GOLT1A: variants seen among roughly 807,000 people sequenced by gnomAD.
GOLT1A encodes vesicle transport protein GOT1A.
Under a neutral mutation model 16.1 loss-of-function variants are expected in GOLT1A, and 10 were observed. The ratio of observed to expected loss-of-function variants is 0.62; its 90% CI spans 0.38 to 1.05. GOLT1A has a LOEUF of 1.05. GOLT1A is among the 50% of genes least tolerant of loss of function. The pLI, the probability that GOLT1A is intolerant of heterozygous loss-of-function variation, is 0.01. For missense variants in GOLT1A, 137 were observed against 165.7 expected, an observed-to-expected ratio of 0.83 and a Z score of 0.95; for synonymous variants, 60 against 67.9, an observed-to-expected ratio of 0.88 and a Z score of 0.57.
intron 1 of GOLT1A, among the ~76,000 whole-genome samples, chr1:204,207,689 C>T (rs1326579268): frequency 6.6e-6 from 1 of 152,128 alleles, no homozygotes; most frequent in East Asian, 1.9e-4. Flanking sequence ...GTCTTTTTTC[C>T]CCCTTTTCCT....
chr1:204,200,570 C>T (rs1375954767), intron 3 of GOLT1A, among the ~76,000 whole-genome samples: 1 of 151,582 alleles, frequency 6.6e-6, no homozygotes, highest in African/African-American at 2.4e-5. Flanking sequence ...TCAAGTGATC[C>T]GCCTGCCTCG....
intron 4 of GOLT1A, chr1:204,198,843 G>GACC: frequency 2.1e-6 from 1 of 476,618 alleles, no homozygotes; most frequent in South Asian, 3.1e-5. Context: ...CATGCCTGGG[G>GACC]CCCGCACTTA....
At chr1:204,199,763 C>T (rs1658922172) in intron 3 of GOLT1A, among the ~76,000 whole-genome samples, 1 of 152,168 alleles carries the variant, frequency 6.6e-6, no homozygotes, top group Non-Finnish European at 1.5e-5. Context: ...CCCTGGCTCC[C>T]CCAGGCACAC....
chr1:204,199,404 G>A (rs1369898787), intron 3 of GOLT1A, 146 bp from the exon 4 acceptor site: 3 of 674,614 alleles, frequency 4.4e-6, no homozygotes, highest in Non-Finnish European at 8.1e-6. Context: ...TGTTCCGAGA[G>A]ACAGTCGAGT....
chr1:204,209,388 AAC>A (rs1659104741), intron 1 of GOLT1A, among the ~76,000 whole-genome samples: 1 of 152,146 alleles, frequency 6.6e-6, no homozygotes, highest in Non-Finnish European at 1.5e-5. Context: ...CCCTAGTGTG[AAC>A]ACCCTTCTCA....
intron 3 of GOLT1A, among the ~76,000 whole-genome samples, chr1:204,200,299 G>GTGTGTGTGTATATATATATATA: frequency 2.2e-4 from 18 of 82,666 alleles, no homozygotes; most frequent in African/African-American, 1.0e-3. Flanking sequence ...ACATATATGT[G>GTGTGTGTGTATATATATATATA]TATATATATA....
At chr1:204,200,764 G>A (rs988015077) in intron 3 of GOLT1A, among the ~76,000 whole-genome samples, 18 of 152,232 alleles carry the variant, frequency 1.2e-4, no homozygotes, top group African/African-American at 1.4e-4. Flanking sequence ...TTCAGCAAAC[G>A]GGGGCTCCTG....
At chr1:204,212,141 C>CA (rs1253088999) in intron 1 of GOLT1A, among the ~76,000 whole-genome samples, 1 of 152,172 alleles carries the variant, frequency 6.6e-6, no homozygotes, top group Non-Finnish European at 1.5e-5. Context: ...ATCTAAAGCC[C>CA]AATTCCTGCT....
rs1659178235 is a variant in GOLT1A at position 204,213,942 on chromosome 1, C to T, written c.-36G>A. 1.9e-6 allele frequency: 3 copies of T among 1,609,814 alleles called. No homozygotes were observed. The highest frequency in any genetic ancestry group is 2.2e-5 in the South Asian group (2 of 90,258). ...GCCTGGGGGGCTTTCCGGGTGGAAG[C>T]GGGCAAGTGGAGCGTGGCCCAGAGG... On this transcript the variant is annotated 5_prime_UTR_variant, in exon 1 of 5. Coordinates refer to ENST00000308302, the MANE Select transcript of GOLT1A (RefSeq NM_198447.2).
At position 204,204,739 on chromosome 1, in the gene GOLT1A, G is replaced by A. The variant is rs549898828; in HGVS notation, c.26-1752C>T. On this transcript the variant is annotated intron_variant, in intron 1 of 4. Transcript: ENST00000308302. Reference sequence around the variant, plus strand: ...TCTATTTTTAATTCTTTGAGGAATTGCCATTTTGTTTTCCATTGTGACTGC... The same window carrying A: ...TCTATTTTTAATTCTTTGAGGAATTACCATTTTGTTTTCCATTGTGACTGC... Among the ~76,000 whole-genome samples, 7 of 152,332 alleles carry A rather than the reference G, an allele frequency of 4.6e-5. No homozygotes were observed. In the East Asian group the frequency reaches 7.7e-4, roughly 17 times the overall value.
chr1:204,206,086 A>G (rs1467876961), intron 1 of GOLT1A, among the ~76,000 whole-genome samples: 1 of 152,178 alleles, frequency 6.6e-6, no homozygotes, highest in African/African-American at 2.4e-5. Context: ...AAAAGAAAAC[A>G]GAAAAATACA....
chr1:204,203,940 C>A (rs1339690004), intron 1 of GOLT1A, among the ~76,000 whole-genome samples: 1 of 152,198 alleles, frequency 6.6e-6, no homozygotes, highest in Non-Finnish European at 1.5e-5. Context: ...GACATGAAGG[C>A]CCCCTCGTTT....
At chr1:204,211,197 C>T (rs1281007821) in intron 1 of GOLT1A, among the ~76,000 whole-genome samples, 1 of 152,154 alleles carries the variant, frequency 6.6e-6, no homozygotes, top group Non-Finnish European at 1.5e-5. Flanking sequence ...AAAGGTCTTG[C>T]AAAACATACA....
chr1:204,208,828 C>T (rs2102339783), intron 1 of GOLT1A, among the ~76,000 whole-genome samples: 1 of 152,182 alleles, frequency 6.6e-6, no homozygotes, highest in East Asian at 1.9e-4. Flanking sequence ...AACCAACCAC[C>T]TGTTCCCCAA....
chr1:204,208,389 CAT>C (rs1557987142), intron 1 of GOLT1A, among the ~76,000 whole-genome samples: 2 of 78,184 alleles, frequency 2.6e-5, no homozygotes, highest in East Asian at 2.7e-4. Context: ...CATATACACA[CAT>C]ATGTATACAT....
In GOLT1A at chr1:204,198,407, C is replaced by T; in HGVS notation, c.*51G>A. The T allele has an allele frequency of 1.3e-6, 2 of 1,567,232 alleles. No individual in the cohort carries two copies. Among genetic ancestry groups the T allele is most frequent in the Non-Finnish European group, 1.8e-6 (2 of 1,138,194 alleles). On this transcript the variant is annotated 3_prime_UTR_variant, in exon 5 of 5. Coordinates refer to ENST00000308302, the MANE Select transcript of GOLT1A (RefSeq NM_198447.2). ...ACTGAGGGGGTGGTTCCCATTCTCC[C>T]TCTAGCCCCCTCAACCAATGATCCA...
At chr1:204,213,603 A>C (rs1322332331) in intron 1 of GOLT1A, among the ~76,000 whole-genome samples, 5 of 152,190 alleles carry the variant, frequency 3.3e-5, no homozygotes, top group Non-Finnish European at 4.4e-5. Context: ...CAGTTCTAAG[A>C]ACCCGGGATG....
intron 3 of GOLT1A, among the ~76,000 whole-genome samples, chr1:204,200,738 G>A (rs1021464800): frequency 3.3e-5 from 5 of 152,106 alleles, no homozygotes; most frequent in Non-Finnish European, 7.3e-5. Context: ...GCTAATCAGG[G>A]GGTTTCAGGG....
intron 1 of GOLT1A, among the ~76,000 whole-genome samples, chr1:204,207,718 C>CA (rs1387467155): frequency 3.9e-5 from 6 of 152,174 alleles, no homozygotes; most frequent in Non-Finnish European, 7.3e-5. Flanking sequence ...AGCAATCACA[C>CA]ATGTACAGGA....
Sources: gnomAD v4.1 joint callset for allele counts (sites outside exome capture counted in the v4.1 genomes callset) on GRCh38, gnomAD v4.1.1 for gene constraint, MANE v1.5 for transcripts, NCBI Gene and HGNC (gene_info 2026-07-23, HGNC 2026-07-21) for gene names.